The following MCCC1 variants were observed in gnomAD, a reference collection of about 807,000 sequenced individuals.
MCCC1 encodes the protein methylcrotonyl-CoA carboxylase subunit 1.
A neutral mutation model predicts 83.8 loss-of-function variants in MCCC1; 64 were observed. The observed-to-expected ratio is 0.76, with a 90% CI of 0.62 to 0.94. The LOEUF is 0.94. MCCC1 is among the 40% of genes least tolerant of loss of function. The pLI is 0.00. For missense variants in MCCC1, 807 were observed against 904.7 expected (o/e 0.89, Z 1.39); for synonymous variants, 322 against 315.4 (o/e 1.02, Z -0.22).
chr3:183,042,135 G>A (rs1714142310), intron 10 of MCCC1, among the ~76,000 whole-genome samples: 1 of 152,098 alleles, frequency 6.6e-6, no homozygotes, highest in Admixed American at 6.6e-5. Context: ...TTAAAAAATA[G>A]TATATTATTA....
chr3:183,095,134 T>G (rs1335739672), intron 1 of MCCC1, among the ~76,000 whole-genome samples: 1 of 151,884 alleles, frequency 6.6e-6, no homozygotes, highest in Non-Finnish European at 1.5e-5. Context: ...ACACAAAAAA[T>G]TAGCCGGGCG....
chr3:183,018,270 C>T (rs928946037), intron 17 of MCCC1, among the ~76,000 whole-genome samples: 74 of 151,212 alleles, frequency 4.9e-4, no homozygotes, highest in African/African-American at 1.8e-3. Context: ...CAGAGGCCTA[C>T]AGGTCAAATG....
chr3:183,036,632 C>T (rs995243582), intron 13 of MCCC1, among the ~76,000 whole-genome samples: 4 of 151,480 alleles, frequency 2.6e-5, no homozygotes, highest in Non-Finnish European at 4.4e-5. Flanking sequence ...CTCCGCCTCC[C>T]GGGTTCAAGC....
At position 183,020,169 on chromosome 3, in the gene MCCC1, C is replaced by G. The variant is rs970269376; in HGVS notation, c.1938G>C (p.Gln646His). The G allele has an allele frequency of 1.2e-6, 2 of 1,613,954 alleles. No homozygotes were observed. Among genetic ancestry groups the G allele is most frequent in the Non-Finnish European group, 8.5e-7 (1 of 1,179,964 alleles). Reference sequence around the variant, plus strand: ...CAGTCATAGGAGCTAAGGGGCCGCCCTGAGTTTCTTGTGAGCTCACAGAAG... The same window carrying G: ...CAGTCATAGGAGCTAAGGGGCCGCCGTGAGTTTCTTGTGAGCTCACAGAAG... ...YLSSVSSQET[Q>H]GGPLAPMTGT... Residue 646 changes from glutamine (Q) to histidine (H), a missense_variant, in exon 17 of 19, where the codon CAG (glutamine) becomes CAC (histidine). By Grantham distance (24) the Gln-to-His change is conservative. Transcript: ENST00000265594.
intron 7 of MCCC1, among the ~76,000 whole-genome samples, chr3:183,070,080 TATTAGA>T (rs1401588585): frequency 6.6e-6 from 1 of 152,210 alleles, no homozygotes; most frequent in East Asian, 1.9e-4. Context: ...GTAAGAATTA[TATTAGA>T]ATTAGAAGGA....
intron 1 of MCCC1, among the ~76,000 whole-genome samples, chr3:183,114,132 G>C (rs548108699): frequency 6.6e-6 from 1 of 152,118 alleles, no homozygotes; most frequent in Non-Finnish European, 1.5e-5. Context: ...AGCTATATCC[G>C]CAGTGCCCAA....
intron 8 of MCCC1, among the ~76,000 whole-genome samples, chr3:183,054,935 G>A (rs994394170): frequency 1.3e-5 from 2 of 152,112 alleles, no homozygotes; most frequent in Non-Finnish European, 2.9e-5. Flanking sequence ...TAGGAGCAAT[G>A]GGCTCTACCA....
intron 13 of MCCC1, 139 bp from the exon 14 acceptor site, chr3:183,034,216 C>A (rs1212397656): frequency 4.7e-6 from 3 of 633,318 alleles, no homozygotes; most frequent in East Asian, 3.0e-5. Context: ...TTTGGGAGGC[C>A]AAGGCGGGCG....
intron 4 of MCCC1, among the ~76,000 whole-genome samples, chr3:183,073,810 G>T (rs1287450526): frequency 6.6e-6 from 1 of 152,060 alleles, no homozygotes; most frequent in African/African-American, 2.4e-5. Context: ...GCATTTCATG[G>T]CTTCTCTTTA....
intron 17 of MCCC1, among the ~76,000 whole-genome samples, chr3:183,018,015 T>C (rs1711826205): frequency 6.6e-6 from 1 of 151,934 alleles, no homozygotes; most frequent in Non-Finnish European, 1.5e-5. Flanking sequence ...ACAGGTCAAA[T>C]GCACTGGTCA....
intron 14 of MCCC1, among the ~76,000 whole-genome samples, chr3:183,026,636 C>A (rs1043327327): frequency 6.6e-6 from 1 of 151,966 alleles, no homozygotes; most frequent in Non-Finnish European, 1.5e-5. Context: ...CTTGAACCTG[C>A]GAGGTGGAGG....
chr3:183,018,184 C>T (rs1262799238), intron 17 of MCCC1, among the ~76,000 whole-genome samples: 1 of 152,210 alleles, frequency 6.6e-6, no homozygotes, highest in African/African-American at 2.4e-5. Context: ...CCCAAATGCA[C>T]TGGTCAAATC....
intron 4 of MCCC1, among the ~76,000 whole-genome samples, chr3:183,080,052 G>A (rs1717373992): frequency 6.6e-6 from 1 of 152,184 alleles, no homozygotes; most frequent in South Asian, 2.1e-4. Context: ...TCCCTCCTGG[G>A]CCTCCGGGCC....
rs746267545 is a variant in MCCC1 at position 183,015,527 on chromosome 3, C to CT, written c.2088dup (p.Val697SerfsTer19). On this transcript the variant is annotated frameshift_variant, in exon 19 of 19. Coordinates refer to ENST00000265594, the MANE Select transcript of MCCC1 (RefSeq NM_020166.5). LOFTEE classifies it low-confidence loss of function (END_TRUNC). ...GCCTGAGCACCTTCTCTGTAGAACA[C>CT]TTTCTTTACTGTGCCATCCTTTGGA... 61 of 1,614,166 alleles carry CT rather than the reference C, an allele frequency of 3.8e-5. No homozygotes were observed. The highest frequency in any genetic ancestry group is 5.0e-5 in the Non-Finnish European group (59 of 1,180,002).
At chr3:183,054,427 T>C (rs1415540346) in intron 8 of MCCC1, among the ~76,000 whole-genome samples, 1 of 151,660 alleles carries the variant, frequency 6.6e-6, no homozygotes, top group Non-Finnish European at 1.5e-5. Context: ...GACCTCGTGA[T>C]TCACCCGTCT....
At chr3:183,109,181 G>T (rs1020112284) in intron 1 of MCCC1, among the ~76,000 whole-genome samples, 1 of 151,976 alleles carries the variant, frequency 6.6e-6, no homozygotes, top group Non-Finnish European at 1.5e-5. Flanking sequence ...TAGTAGAGAC[G>T]GGGTTTCACC....
intron 15 of MCCC1, among the ~76,000 whole-genome samples, chr3:183,023,845 G>T (rs1336600501): frequency 6.6e-6 from 1 of 151,792 alleles, no homozygotes; most frequent in Non-Finnish European, 1.5e-5. Flanking sequence ...CAATGTAATG[G>T]TCTTCTTCTA....
At chr3:183,067,530 T>A (rs1240484229) in intron 7 of MCCC1, among the ~76,000 whole-genome samples, 1 of 152,240 alleles carries the variant, frequency 6.6e-6, no homozygotes, top group Non-Finnish European at 1.5e-5. Flanking sequence ...AAATTATGTT[T>A]CAAGAACTAT....
chr3:183,078,401 C>G (rs914258135), intron 4 of MCCC1, among the ~76,000 whole-genome samples: 1 of 152,114 alleles, frequency 6.6e-6, no homozygotes, highest in African/African-American at 2.4e-5. Flanking sequence ...ATATATTAGG[C>G]TTTTTGGCTA....
Sources: gnomAD v4.1 joint callset for allele counts (sites outside exome capture counted in the v4.1 genomes callset) on GRCh38, gnomAD v4.1.1 for gene constraint, MANE v1.5 for transcripts, NCBI Gene and HGNC (gene_info 2026-07-23, HGNC 2026-07-21) for gene names.